The following NCAM2 variants were observed in gnomAD, a reference collection of about 807,000 sequenced individuals.
The protein encoded by NCAM2 is neural cell adhesion molecule 2, also known as N-CAM-2.
Under a neutral mutation model 98.1 loss-of-function variants are expected in NCAM2, and 30 were observed. The ratio of observed to expected loss-of-function variants is 0.31; its 90% CI spans 0.23 to 0.41. The LOEUF (loss-of-function observed/expected upper bound fraction) is 0.41. Ranked by LOEUF, NCAM2 falls within the 10% of genes least tolerant of loss-of-function variation. The pLI is 1.00. For missense variants in NCAM2, 867 were observed against 1,005.8 expected (o/e 0.86, Z 1.87); for synonymous variants, 368 against 342.4 (o/e 1.07, Z -0.83).
chr21:21,165,512 C>T (rs1002369313), intron 1 of NCAM2, among the ~76,000 whole-genome samples: 1 of 152,154 alleles, frequency 6.6e-6, no homozygotes, highest in Non-Finnish European at 1.5e-5. Flanking sequence ...CTCAAGCATA[C>T]ATAACCACGC....
intron 1 of NCAM2, among the ~76,000 whole-genome samples, chr21:21,071,250 A>C (rs1601278086): frequency 6.6e-6 from 1 of 152,182 alleles, no homozygotes; most frequent in East Asian, 1.9e-4. Context: ...TTGAAAGAAA[A>C]GGAAGGAACA....
intron 16 of NCAM2, among the ~76,000 whole-genome samples, chr21:21,532,630 T>C (rs1989769316): frequency 6.6e-6 from 1 of 152,198 alleles, no homozygotes; most frequent in Non-Finnish European, 1.5e-5. Flanking sequence ...TTTGTACCAA[T>C]TGTTAATATA....
At chr21:21,289,818 G>C (rs749802563) in intron 4 of NCAM2, among the ~76,000 whole-genome samples, 3 of 151,936 alleles carry the variant, frequency 2.0e-5, no homozygotes, top group African/African-American at 7.2e-5. Context: ...AGTGACATAA[G>C]CTAATATACA....
intron 1 of NCAM2, among the ~76,000 whole-genome samples, chr21:21,123,138 T>C (rs1320528238): frequency 8.4e-6 from 1 of 119,690 alleles, no homozygotes; most frequent in Admixed American, 9.6e-5. Flanking sequence ...CTCATGCCTG[T>C]AATCCCAGCA....
In NCAM2 at chr21:21,394,469, C is replaced by CTTTTTTTTTTTTTTTTTTTTTTTTTTTTT. The variant is rs532068473; in HGVS notation, c.1196-15796_1196-15768dup. ...GACCTTAGTTAATTTAAGGGGCCAGCTTTTTTTTTTTTTTTTTTTTTTTTT... is the reference window on the plus strand; with the variant it reads ...GACCTTAGTTAATTTAAGGGGCCAGCTTTTTTTTTTTTTTTTTTTTTTTTTTTTTTTTTTTTTTTTTTTTTTTTTTTTTT... On this transcript the variant is annotated intron_variant, in intron 9 of 17. Coordinates refer to ENST00000400546, the MANE Select transcript of NCAM2 (RefSeq NM_004540.5). Among the ~76,000 whole-genome samples the CTTTTTTTTTTTTTTTTTTTTTTTTTTTTT allele has an allele frequency of 8.7e-5, 5 of 57,672 alleles. 1 individual carries two copies. The highest frequency in any genetic ancestry group is 7.9e-4 in the South Asian group (1 of 1,264). 37.8% of individuals were successfully genotyped at this position (57,672 alleles called of 152,430 possible). A position where few individuals can be genotyped will look rare whatever the true frequency, so the allele number is the denominator to read the frequency against.
intron 1 of NCAM2, among the ~76,000 whole-genome samples, chr21:21,177,243 A>G (rs1174655955): frequency 6.6e-6 from 1 of 152,136 alleles, no homozygotes; most frequent in Non-Finnish European, 1.5e-5. Context: ...TATCCTACAA[A>G]TAAATCAGTG....
chr21:21,477,074 C>G (rs1217350814), intron 14 of NCAM2, among the ~76,000 whole-genome samples: 1 of 151,986 alleles, frequency 6.6e-6, no homozygotes, highest in East Asian at 1.9e-4. Flanking sequence ...GACAAAACCA[C>G]TTTTTGGCTA....
chr21:21,028,910 G>T (rs184095960), intron 1 of NCAM2, among the ~76,000 whole-genome samples: 17 of 152,198 alleles, frequency 1.1e-4, no homozygotes, highest in Admixed American at 1.1e-3. Context: ...ATCATCATAG[G>T]TATGTAATCC....
chr21:21,023,667 A>G (rs1001223396), intron 1 of NCAM2, among the ~76,000 whole-genome samples: 1 of 152,146 alleles, frequency 6.6e-6, no homozygotes, highest in Non-Finnish European at 1.5e-5. Context: ...TATTATTTTA[A>G]ATTAGCCATG....
intron 1 of NCAM2, among the ~76,000 whole-genome samples, chr21:21,236,178 T>C (rs1363543217): frequency 6.9e-6 from 1 of 144,776 alleles, no homozygotes; most frequent in East Asian, 2.0e-4. Context: ...AATAAATAAA[T>C]AAAGCGCTTC....
chr21:21,330,741 C>T (rs568319945), intron 6 of NCAM2, among the ~76,000 whole-genome samples: 152 of 152,042 alleles, frequency 1.0e-3, no homozygotes, highest in African/African-American at 3.5e-3. Flanking sequence ...TATGTTTAAA[C>T]ATTTATTCAC....
chr21:21,359,057 C>A (rs1427145064), intron 8 of NCAM2, among the ~76,000 whole-genome samples: 1 of 151,982 alleles, frequency 6.6e-6, no homozygotes, highest in African/African-American at 2.4e-5. Context: ...GAATGCTGAA[C>A]AACATACCAC....
chr21:21,313,441 T>C (rs1206192810), intron 5 of NCAM2, among the ~76,000 whole-genome samples: 2 of 151,982 alleles, frequency 1.3e-5, no homozygotes, highest in African/African-American at 2.4e-5. Context: ...TTTATCATTA[T>C]GTAATATTCT....
intron 8 of NCAM2, among the ~76,000 whole-genome samples, chr21:21,351,511 C>A (rs1338128329): frequency 6.6e-6 from 1 of 152,016 alleles, no homozygotes; most frequent in East Asian, 1.9e-4. Flanking sequence ...TATGAAATAG[C>A]CATAAGTCAA....
intron 1 of NCAM2, among the ~76,000 whole-genome samples, chr21:21,057,717 C>T (rs1003544913): frequency 2.6e-5 from 4 of 152,102 alleles, no homozygotes; most frequent in African/African-American, 9.7e-5. Context: ...TTAAGAAAGA[C>T]TTTCCTAAGG....
Position 21,370,628 on chromosome 21 carries a change from A to G in NCAM2, c.1045-3235A>G, listed in dbSNP as rs188775571. 4.4e-3 allele frequency among the ~76,000 whole-genome samples: 665 copies of G among 151,962 alleles called. 1 individual carries two copies. The highest frequency in any genetic ancestry group is 0.01 in the Middle Eastern group (3 of 294). On this transcript the variant is annotated intron_variant, in intron 8 of 17. Coordinates refer to ENST00000400546, the MANE Select transcript of NCAM2 (RefSeq NM_004540.5). ...TGCGGTACATACATAGTTCAAACTC[A>G]TAGTTGCTACTCAGGTGGTAAATCA... is the stretch of plus-strand genomic sequence containing the variant.
chr21:21,523,805 G>T (rs1334929573), intron 16 of NCAM2, among the ~76,000 whole-genome samples: 2 of 151,842 alleles, frequency 1.3e-5, no homozygotes, highest in East Asian at 3.9e-4. Context: ...ACTAAGGAAA[G>T]AAAATTAAAT....
At chr21:21,087,737 G>T (rs1350090230) in intron 1 of NCAM2, among the ~76,000 whole-genome samples, 2 of 152,168 alleles carry the variant, frequency 1.3e-5, no homozygotes, top group Non-Finnish European at 2.9e-5. Flanking sequence ...AGGTACTAAG[G>T]ATGCGTCTCA....
chr21:21,386,036 T>TC (rs1401013344), intron 9 of NCAM2, among the ~76,000 whole-genome samples: 3 of 152,090 alleles, frequency 2.0e-5, no homozygotes, highest in Non-Finnish European at 4.4e-5. Context: ...TCAGATACAT[T>TC]CTAAGGTTAT....
Sources: allele counts gnomAD v4.1 joint callset (sites outside exome capture counted in the v4.1 genomes callset), GRCh38; gene constraint gnomAD v4.1.1; transcripts MANE v1.5; gene names NCBI Gene and HGNC (gene_info 2026-07-23, HGNC 2026-07-21).